DYNC1I1: variants seen among roughly 807,000 people sequenced by gnomAD.
DYNC1I1 encodes cytoplasmic dynein 1 intermediate chain 1.
In DYNC1I1, 43 loss-of-function variants were observed where a neutral mutation model predicts 86.6. The observed-to-expected ratio is 0.50, with a 90% CI of 0.39 to 0.64. DYNC1I1 has a LOEUF of 0.64. Among genes scored for constraint, DYNC1I1 ranks in the 30% least tolerant of loss-of-function variants. DYNC1I1 has a pLI of 0.00. For missense variants in DYNC1I1, 604 were observed against 788.8 expected (o/e 0.77, Z 2.81); for synonymous variants, 262 against 283.7 (o/e 0.92, Z 0.77).
chr7:95,852,241 T>G (rs770792559), intron 5 of DYNC1I1, among the ~76,000 whole-genome samples: 1 of 152,058 alleles, frequency 6.6e-6, no homozygotes, highest in Non-Finnish European at 1.5e-5. Flanking sequence ...TTTGATAGAT[T>G]GTAGATGTCA....
chr7:95,842,174 G>T (rs1258428423), intron 5 of DYNC1I1, among the ~76,000 whole-genome samples: 1 of 152,100 alleles, frequency 6.6e-6, no homozygotes, highest in East Asian at 1.9e-4. Context: ...TCTTACTGTT[G>T]CACCCGAGCG....
intron 6 of DYNC1I1, among the ~76,000 whole-genome samples, chr7:95,903,031 G>T (rs191462464): frequency 6.6e-6 from 1 of 152,270 alleles, no homozygotes; most frequent in East Asian, 1.9e-4. Context: ...TGAGCCTTGT[G>T]CAATTGTTAA....
rs183125965 is a variant in DYNC1I1, at chr7:96,095,769, C to T, written c.1777-1714C>T. On this transcript the variant is annotated intron_variant, in intron 16 of 16. Coordinates refer to ENST00000447467, the MANE Select transcript of DYNC1I1 (RefSeq NM_001135556.2). ...CTTAGTTGGTTATGGTTTTCGTGAG[C>T]TTGTTTGTATTGTACATTTTGGGGG... Among the ~76,000 whole-genome samples the T allele has an allele frequency of 2.7e-3, 417 of 151,936 alleles. 2 individuals carry two copies. Among genetic ancestry groups the T allele is most frequent in the Non-Finnish European group, 3.6e-3 (244 of 67,938 alleles).
At chr7:95,832,482 C>G in intron 5 of DYNC1I1, among the ~76,000 whole-genome samples, 1 of 151,604 alleles carries the variant, frequency 6.6e-6, no homozygotes, top group African/African-American at 2.4e-5. Flanking sequence ...GGATATATAC[C>G]CAGTAATGGG....
At chr7:95,977,464 T>C (rs769156675) in intron 6 of DYNC1I1, 48 bp from the exon 7 acceptor site, 1 of 1,580,008 alleles carries the variant, frequency 6.3e-7, no homozygotes, top group South Asian at 1.2e-5. Context: ...CCAAAGACTT[T>C]GATTTGGAGG....
At chr7:95,995,043 C>G (rs1793825783) in intron 9 of DYNC1I1, among the ~76,000 whole-genome samples, 1 of 151,884 alleles carries the variant, frequency 6.6e-6, no homozygotes, top group African/African-American at 2.4e-5. Flanking sequence ...GTCAGGAGAT[C>G]GAGACCATCC....
chr7:96,109,688 G>A (rs1370333741), intron 16 of DYNC1I1, among the ~76,000 whole-genome samples: 1 of 152,000 alleles, frequency 6.6e-6, no homozygotes, highest in Non-Finnish European at 1.5e-5. Context: ...AATATACGGA[G>A]AATTTCCAAA....
intron 6 of DYNC1I1, among the ~76,000 whole-genome samples, chr7:95,936,962 A>T (rs1224399048): frequency 3.3e-5 from 5 of 150,928 alleles, no homozygotes; most frequent in African/African-American, 4.9e-5. Flanking sequence ...TGTCTCACAC[A>T]CACACACACA....
chr7:95,913,484 C>T (rs557263690), intron 6 of DYNC1I1, among the ~76,000 whole-genome samples: 23 of 152,254 alleles, frequency 1.5e-4, no homozygotes, highest in Admixed American at 3.3e-4. Context: ...ATGCTGTTCT[C>T]GTGATAGTGA....
At chr7:96,049,439 G>A (rs1789327756) in intron 14 of DYNC1I1, among the ~76,000 whole-genome samples, 1 of 152,060 alleles carries the variant, frequency 6.6e-6, no homozygotes, top group Non-Finnish European at 1.5e-5. Flanking sequence ...GTGTAGCGGA[G>A]ACAAAGATAT....
chr7:96,006,861 C>T (rs1450357908), intron 10 of DYNC1I1, among the ~76,000 whole-genome samples: 1 of 152,172 alleles, frequency 6.6e-6, no homozygotes, highest in Admixed American at 6.6e-5. Context: ...AATTAAACAT[C>T]TGGGACCTGC....
intron 6 of DYNC1I1, among the ~76,000 whole-genome samples, chr7:95,885,730 T>G (rs2116245208): frequency 6.6e-6 from 1 of 152,294 alleles, no homozygotes; most frequent in East Asian, 1.9e-4. Context: ...CAAGCAGTCC[T>G]CCTGCCTTAG....
intron 7 of DYNC1I1, among the ~76,000 whole-genome samples, chr7:95,978,984 C>T (rs1296867343): frequency 2.6e-5 from 4 of 152,044 alleles, no homozygotes; most frequent in African/African-American, 9.7e-5. Flanking sequence ...GTAGTAGAGA[C>T]GGGGTTTCAC....
intron 5 of DYNC1I1, among the ~76,000 whole-genome samples, chr7:95,851,529 C>T (rs1042418375): frequency 1.3e-5 from 2 of 151,856 alleles, no homozygotes; most frequent in Non-Finnish European, 2.9e-5. Context: ...GATTTGCGTT[C>T]ATGGGACTAT....
At chr7:95,816,301 C>T (rs1373226075) in intron 4 of DYNC1I1, among the ~76,000 whole-genome samples, 1 of 152,160 alleles carries the variant, frequency 6.6e-6, no homozygotes, top group African/African-American at 2.4e-5. Context: ...GGATTATAGG[C>T]GTGAGCCACT....
At chr7:95,988,855 C>G (rs1793661151) in intron 9 of DYNC1I1, among the ~76,000 whole-genome samples, 1 of 152,154 alleles carries the variant, frequency 6.6e-6, no homozygotes. Flanking sequence ...TATGAGGCAG[C>G]CACCCTTACT....
At chr7:96,040,488 T>C (rs1367122382) in intron 14 of DYNC1I1, among the ~76,000 whole-genome samples, 1 of 152,040 alleles carries the variant, frequency 6.6e-6, no homozygotes, top group Non-Finnish European at 1.5e-5. Context: ...CATCAGCAGA[T>C]AACCCAGGTT....
intron 6 of DYNC1I1, among the ~76,000 whole-genome samples, chr7:95,873,220 G>A (rs1018962997): frequency 2.0e-5 from 3 of 152,158 alleles, no homozygotes; most frequent in Admixed American, 6.5e-5. Flanking sequence ...GGAGAGTAAT[G>A]CAATAAAGAG....
intron 10 of DYNC1I1, among the ~76,000 whole-genome samples, chr7:96,020,891 C>T (rs1194045191): frequency 6.6e-6 from 1 of 151,892 alleles, no homozygotes; most frequent in African/African-American, 2.4e-5. Context: ...TAGCCAATCA[C>T]AAAAGGATAA....
Sources: allele counts gnomAD v4.1 joint callset (sites outside exome capture counted in the v4.1 genomes callset), GRCh38; gene constraint gnomAD v4.1.1; transcripts MANE v1.5; gene names NCBI Gene and HGNC (gene_info 2026-07-23, HGNC 2026-07-21).